SH3RF1: variants seen among roughly 807,000 people sequenced by gnomAD.
SH3RF1 encodes SH3 domain containing ring finger 1.
SH3RF1 carries 32 observed loss-of-function variants against 74.0 expected under a neutral mutation model. That is an observed-to-expected ratio of 0.43 (90% confidence interval 0.33 to 0.58). The LOEUF is 0.58. SH3RF1 is among the 20% of genes least tolerant of loss of function. The pLI is 0.05. For synonymous variants in SH3RF1, 396 were observed against 439.6 expected (o/e 0.90, Z 1.24); for missense variants, 954 against 1,130.9 (o/e 0.84, Z 2.24).
intron 2 of SH3RF1, among the ~76,000 whole-genome samples, chr4:169,216,165 G>C (rs1730459220): frequency 6.6e-6 from 1 of 151,988 alleles, no homozygotes; most frequent in African/African-American, 2.4e-5. Flanking sequence ...AGTAGTTTAA[G>C]GCAGGCAAAA....
chr4:169,102,493 C>T (rs561419179), intron 11 of SH3RF1, among the ~76,000 whole-genome samples: 12 of 151,974 alleles, frequency 7.9e-5, no homozygotes, highest in African/African-American at 2.9e-4. Flanking sequence ...AGATGACTTG[C>T]TGTGTCTCCC....
At chr4:169,152,801 C>G (rs10049685) in intron 4 of SH3RF1, among the ~76,000 whole-genome samples, 1,703 of 152,298 alleles carry the variant, frequency 0.011, 38 homozygotes, top group African/African-American at 0.039. Flanking sequence ...TATCACCTTA[C>G]TCCAGTGCAC....
chr4:169,156,779 A>T (rs13128986), intron 2 of SH3RF1, 100 bp from the exon 3 acceptor site: 338,881 of 1,118,770 alleles, frequency 0.3, 52,063 homozygotes, highest in African/African-American at 0.4. Flanking sequence ...CAAAGTCAAA[A>T]CCACACTGTA....
chr4:169,200,162 G>A (rs2126989676), intron 2 of SH3RF1, among the ~76,000 whole-genome samples: 1 of 152,162 alleles, frequency 6.6e-6, no homozygotes, highest in South Asian at 2.1e-4. Context: ...TATGTATAGA[G>A]CAATATTTAA....
At chr4:169,123,736 A>C (rs1341147274) in intron 6 of SH3RF1, among the ~76,000 whole-genome samples, 1 of 152,100 alleles carries the variant, frequency 6.6e-6, no homozygotes, top group Non-Finnish European at 1.5e-5. Flanking sequence ...CTAAAAATAC[A>C]AAAAAATTAG....
intron 2 of SH3RF1, among the ~76,000 whole-genome samples, chr4:169,216,797 TA>T (rs887420124): frequency 3.3e-5 from 5 of 152,164 alleles, no homozygotes; most frequent in Admixed American, 6.5e-5. Context: ...TAACTTATAA[TA>T]AAGCAAAATA....
chr4:169,201,221 T>A lies in SH3RF1; in HGVS notation c.394-44542A>T, dbSNP rs79365958. 3.7e-3 allele frequency among the ~76,000 whole-genome samples: 564 copies of A among 152,278 alleles called. 5 individuals carry two copies. Among genetic ancestry groups the A allele is most frequent in the African/African-American group, 0.013 (544 of 41,530 alleles). On this transcript the variant is annotated intron_variant, in intron 2 of 11. Coordinates refer to ENST00000284637, the MANE Select transcript of SH3RF1 (RefSeq NM_020870.4). ...ATGAAATTTGGAATTAAAGTTTCTA[T>A]CAGAAAAACACCACGGCCTCTCCAT...
chr4:169,099,959 C>T (rs1005639453), intron 11 of SH3RF1, among the ~76,000 whole-genome samples: 1 of 152,188 alleles, frequency 6.6e-6, no homozygotes, highest in Admixed American at 6.5e-5. Flanking sequence ...TCTTCCAGCT[C>T]AGGTCCTGAT....
chr4:169,174,242 T>C (rs1734380352), intron 2 of SH3RF1, among the ~76,000 whole-genome samples: 1 of 152,104 alleles, frequency 6.6e-6, no homozygotes, highest in African/African-American at 2.4e-5. Flanking sequence ...TTGTATGTTT[T>C]GTAGGGGTAG....
intron 11 of SH3RF1, among the ~76,000 whole-genome samples, chr4:169,105,172 C>A (rs1317868910): frequency 2.6e-5 from 4 of 151,994 alleles, no homozygotes; most frequent in African/African-American, 9.7e-5. Context: ...AAAAGCAATA[C>A]CTCCACAAAG....
chr4:169,211,407 G>A (rs372412318), intron 2 of SH3RF1, among the ~76,000 whole-genome samples: 50 of 151,692 alleles, frequency 3.3e-4, no homozygotes, highest in Non-Finnish European at 6.6e-4. Context: ...GCATGAACCC[G>A]GGAGGCGGAG....
Position 169,126,761 on chromosome 4 carries a change from A to T in SH3RF1, c.1179+3285T>A, listed in dbSNP as rs551080341. 3.7e-3 allele frequency among the ~76,000 whole-genome samples: 551 copies of T among 149,466 alleles called. 1 individual carries two copies. Among genetic ancestry groups the T allele is most frequent in the Middle Eastern group, 0.014 (4 of 288 alleles). The stretch of plus-strand genomic sequence containing the variant: ...ACCATGCCCAGCTAATTAAAAAAAA[A>T]TTTTTTTTTTGTAGAGACAGGGTCT... On this transcript the variant is annotated intron_variant, in intron 6 of 11. Coordinates refer to ENST00000284637, the MANE Select transcript of SH3RF1 (RefSeq NM_020870.4).
intron 2 of SH3RF1, among the ~76,000 whole-genome samples, chr4:169,265,708 A>C (rs1374867611): frequency 6.6e-6 from 1 of 152,092 alleles, no homozygotes; most frequent in Non-Finnish European, 1.5e-5. Context: ...CTTGACCTCA[A>C]GTGATCCACC....
chr4:169,139,309 C>T (rs1253448884), intron 4 of SH3RF1, among the ~76,000 whole-genome samples: 1 of 152,168 alleles, frequency 6.6e-6, no homozygotes, highest in Non-Finnish European at 1.5e-5. Context: ...GAGAAATGAT[C>T]TCTGCCCTTA....
At chr4:169,097,314 G>A (rs903572041) in intron 11 of SH3RF1, among the ~76,000 whole-genome samples, 1 of 152,324 alleles carries the variant, frequency 6.6e-6, no homozygotes, top group African/African-American at 2.4e-5. Flanking sequence ...GTAGTCCCAA[G>A]GTCCAGACAT....
At chr4:169,260,257 G>A (rs777060010) in intron 2 of SH3RF1, among the ~76,000 whole-genome samples, 1 of 152,192 alleles carries the variant, frequency 6.6e-6, no homozygotes, top group East Asian at 1.9e-4. Flanking sequence ...TGAGACCAGA[G>A]ACTTAATTAT....
In SH3RF1 at chr4:169,096,331, CA is replaced by C. The variant is rs1440462255; in HGVS notation, c.*187del. 1 of 600,966 alleles carries C rather than the reference CA, an allele frequency of 1.7e-6. No homozygotes were observed. The highest frequency in any genetic ancestry group is 2.8e-6 in the Non-Finnish European group (1 of 352,504). 37.2% of individuals were successfully genotyped at this position (600,966 alleles called of 1,614,324 possible). A position where few individuals can be genotyped will look rare whatever the true frequency, so the allele number is the denominator to read the frequency against. On this transcript the variant is annotated 3_prime_UTR_variant, in exon 12 of 12. Coordinates refer to ENST00000284637, the MANE Select transcript of SH3RF1 (RefSeq NM_020870.4). ...CCTTATACATCCGAATCCAGACTAA[CA>C]AAACCCACACAAACATCTTCTTCAT...
intron 4 of SH3RF1, among the ~76,000 whole-genome samples, chr4:169,152,661 C>T (rs28415626): frequency 0.13 from 19,465 of 152,142 alleles, 1,296 homozygotes; most frequent in Middle Eastern, 0.15. Flanking sequence ...TGCTTGAACC[C>T]GGAAGGCAGA....
At chr4:169,212,215 C>T (rs2660417) in intron 2 of SH3RF1, among the ~76,000 whole-genome samples, 109 of 151,492 alleles carry the variant, frequency 7.2e-4, no homozygotes, top group African/African-American at 2.5e-3. Context: ...CAAGCATGTG[C>T]CACCATGCCC....
Sources: gnomAD v4.1 joint callset for allele counts (sites outside exome capture counted in the v4.1 genomes callset) on GRCh38, gnomAD v4.1.1 for gene constraint, MANE v1.5 for transcripts, NCBI Gene and HGNC (gene_info 2026-07-23, HGNC 2026-07-21) for gene names.